CAMKMT: variants seen among roughly 807,000 people sequenced by gnomAD.
CAMKMT encodes CaM KMT.
Under a neutral mutation model 48.0 loss-of-function variants are expected in CAMKMT, and 53 were observed. The observed-to-expected ratio is 1.10, with a 90% CI of 0.89 to 1.39. CAMKMT has a LOEUF of 1.39. Among genes scored for constraint, CAMKMT ranks in the 40% most tolerant of loss-of-function variants. The pLI is 0.00. For synonymous variants in CAMKMT, 165 were observed against 152.3 expected (o/e 1.08, Z -0.61); for missense variants, 428 against 402.7 (o/e 1.06, Z -0.54).
chr2:44,384,800 G>A (rs941743650), intron 2 of CAMKMT, among the ~76,000 whole-genome samples: 8 of 151,914 alleles, frequency 5.3e-5, no homozygotes, highest in African/African-American at 1.5e-4. Flanking sequence ...TAAGTATTTG[G>A]ATTTATTTCT....
intron 3 of CAMKMT, among the ~76,000 whole-genome samples, chr2:44,674,632 A>G (rs1308608177): frequency 6.6e-6 from 1 of 152,210 alleles, no homozygotes; most frequent in Non-Finnish European, 1.5e-5. Context: ...GAATAACGGA[A>G]GTGGTTAAGT....
intron 3 of CAMKMT, among the ~76,000 whole-genome samples, chr2:44,454,650 C>G (rs956386510): frequency 6.6e-6 from 1 of 151,556 alleles, no homozygotes; most frequent in Non-Finnish European, 1.5e-5. Context: ...ATTTTTTTTC[C>G]ATTTCTGATC....
At chr2:44,768,377 T>A (rs1488658006) in intron 10 of CAMKMT, among the ~76,000 whole-genome samples, 11 of 137,046 alleles carry the variant, frequency 8.0e-5, no homozygotes, top group East Asian at 6.1e-4. Flanking sequence ...TTTTTTTTTT[T>A]AATAATGAGA....
intron 3 of CAMKMT, among the ~76,000 whole-genome samples, chr2:44,534,026 G>A (rs1206812668): frequency 2.6e-5 from 4 of 152,100 alleles, no homozygotes; most frequent in Admixed American, 6.6e-5. Flanking sequence ...TAAGTAAAGG[G>A]ATGGAAAAAT....
intron 2 of CAMKMT, among the ~76,000 whole-genome samples, chr2:44,388,602 G>A (rs1051452345): frequency 6.6e-6 from 1 of 152,116 alleles, no homozygotes; most frequent in African/African-American, 2.4e-5. Context: ...ACATTAACAG[G>A]GTTGTTTTTC....
intron 3 of CAMKMT, among the ~76,000 whole-genome samples, chr2:44,590,170 A>G (rs950279941): frequency 2.0e-5 from 3 of 152,036 alleles, no homozygotes; most frequent in African/African-American, 7.3e-5. Flanking sequence ...ATAGTGTTTA[A>G]TAGAAGCAGC....
intron 7 of CAMKMT, among the ~76,000 whole-genome samples, chr2:44,717,418 G>A (rs1357873311): frequency 6.6e-6 from 1 of 152,150 alleles, no homozygotes; most frequent in Non-Finnish European, 1.5e-5. Context: ...CTGTCAAGAA[G>A]CTAAGAGAAA....
chr2:44,466,217 A>C (rs1180744218), intron 3 of CAMKMT, among the ~76,000 whole-genome samples: 1 of 152,238 alleles, frequency 6.6e-6, no homozygotes, highest in Non-Finnish European at 1.5e-5. Context: ...CAACAACAGC[A>C]TAACACACAT....
chr2:44,556,844 G>A (rs1378138649), intron 3 of CAMKMT, among the ~76,000 whole-genome samples: 1 of 151,550 alleles, frequency 6.6e-6, no homozygotes, highest in Non-Finnish European at 1.5e-5. Context: ...TTGGGAGGCC[G>A]AAGCAGGAGG....
rs776963735 is a variant in CAMKMT at position 44,624,293 on chromosome 2, G to A, written c.377-79990G>A. On this transcript the variant is annotated intron_variant, in intron 3 of 10. Transcript: ENST00000378494. ...TAAATATCTAGGAATGGAATGGCTG[G>A]GTTTTTTTTCTTTTTTCTATTTCAA... is the stretch of plus-strand genomic sequence containing the variant. Among the ~76,000 whole-genome samples, 3 of 151,638 alleles carry A rather than the reference G, an allele frequency of 2.0e-5. No homozygotes were observed. In the Middle Eastern group the frequency reaches 0.01, roughly 519 times the overall value.
At chr2:44,766,304 T>C (rs1680839041) in intron 9 of CAMKMT, 126 bp from the exon 10 acceptor site, 1 of 971,430 alleles carries the variant, frequency 1.0e-6, no homozygotes, top group Non-Finnish European at 1.6e-6. Context: ...CCATCCTGCA[T>C]AGACATCTCA....
At chr2:44,673,626 G>T (rs991863837) in intron 3 of CAMKMT, among the ~76,000 whole-genome samples, 1 of 152,052 alleles carries the variant, frequency 6.6e-6, no homozygotes, top group Admixed American at 6.6e-5. Context: ...TTTGGTGGCG[G>T]TAGCTATCTA....
chr2:44,474,942 A>G (rs1668609774), intron 3 of CAMKMT, among the ~76,000 whole-genome samples: 1 of 152,208 alleles, frequency 6.6e-6, no homozygotes, highest in African/African-American at 2.4e-5. Context: ...ATTCATCGTG[A>G]AAGACTGGCC....
rs559777219 is a variant in CAMKMT, at chr2:44,623,251, TA to T, written c.377-81031del. 1.6e-4 allele frequency among the ~76,000 whole-genome samples: 25 copies of T among 152,240 alleles called. 1 individual carries two copies. In the South Asian group the frequency reaches 5.0e-3, roughly 30 times the overall value. Reference sequence around the variant, plus strand: ...GGCCTTTGTTGGTATAGTTTACAGATATTTTTCTCCATTCCGTAGGCTGTCT... The same window carrying T: ...GGCCTTTGTTGGTATAGTTTACAGATTTTTTCTCCATTCCGTAGGCTGTCT... On this transcript the variant is annotated intron_variant, in intron 3 of 10. Coordinates refer to ENST00000378494, the MANE Select transcript of CAMKMT (RefSeq NM_024766.5).
chr2:44,667,634 C>A (rs1238903692), intron 3 of CAMKMT, among the ~76,000 whole-genome samples: 1 of 152,144 alleles, frequency 6.6e-6, no homozygotes, highest in Admixed American at 6.5e-5. Flanking sequence ...CTCCATAGTT[C>A]TTTCCCTGCA....
rs189314074 is a variant in CAMKMT, at chr2:44,419,321, A to G, written c.376+29016A>G. 1.6e-3 allele frequency among the ~76,000 whole-genome samples: 250 copies of G among 152,326 alleles called. 3 individuals carry two copies. The highest frequency in any genetic ancestry group is 3.5e-4 in the Non-Finnish European group (24 of 68,028). On this transcript the variant is annotated intron_variant, in intron 3 of 10. Coordinates refer to ENST00000378494, the MANE Select transcript of CAMKMT (RefSeq NM_024766.5). Reference sequence around the variant, plus strand: ...GATGGACATGTTGAATGTTTCTACAAAAGCATTCCAGTGTTTGGTCATTAG... The same window carrying G: ...GATGGACATGTTGAATGTTTCTACAGAAGCATTCCAGTGTTTGGTCATTAG...
intron 3 of CAMKMT, among the ~76,000 whole-genome samples, chr2:44,397,061 A>C (rs1464809056): frequency 7.9e-5 from 1 of 12,620 alleles, no homozygotes; most frequent in Non-Finnish European, 1.9e-4. Context: ...TCCATCTCAA[A>C]AAAAAAAAAA....
At position 44,573,011 on chromosome 2, in the gene CAMKMT, A is replaced by G. The variant is rs141101687; in HGVS notation, c.377-131272A>G. ...CTGTTTGGCCGTCTATATCTTAGTAATAGTAATCTTTTCGTGTGCTGCTAT... is the reference window on the plus strand; with the variant it reads ...CTGTTTGGCCGTCTATATCTTAGTAGTAGTAATCTTTTCGTGTGCTGCTAT... On this transcript the variant is annotated intron_variant, in intron 3 of 10. Coordinates refer to ENST00000378494, the MANE Select transcript of CAMKMT (RefSeq NM_024766.5). Among the ~76,000 whole-genome samples, 820 of 151,556 alleles carry G rather than the reference A, an allele frequency of 5.4e-3. 9 individuals carry two copies. The highest frequency in any genetic ancestry group is 0.019 in the African/African-American group (779 of 41,262).
chr2:44,649,473 T>C (rs879883897), intron 3 of CAMKMT, among the ~76,000 whole-genome samples: 5 of 151,998 alleles, frequency 3.3e-5, no homozygotes, highest in Non-Finnish European at 5.9e-5. Context: ...CAGAAAAACA[T>C]ACTGAGGTCA....
Sources: allele counts gnomAD v4.1 joint callset (sites outside exome capture counted in the v4.1 genomes callset), GRCh38; gene constraint gnomAD v4.1.1; transcripts MANE v1.5; gene names NCBI Gene and HGNC (gene_info 2026-07-23, HGNC 2026-07-21).